UMAD1: variants seen among roughly 807,000 people sequenced by gnomAD.
UMAD1 encodes UBAP1-MVB12-associated (UMA)-domain containing protein 1.
A neutral mutation model predicts 6.1 loss-of-function variants in UMAD1; 8 were observed. That is an observed-to-expected ratio of 1.30 (90% CI 0.76 to 2.35). The LOEUF (loss-of-function observed/expected upper bound fraction) is 2.35. Among genes scored for constraint, UMAD1 ranks in the 30% most tolerant of loss-of-function variants. The pLI is 0.00. For synonymous variants in UMAD1, 56 were observed against 31.4 expected (o/e 1.78, Z -2.61); for missense variants, 130 against 78.4 (o/e 1.66, Z -2.49).
At chr7:7,860,881 A>C (rs1362394959) in intron 3 of UMAD1, among the ~76,000 whole-genome samples, 4 of 152,318 alleles carry the variant, frequency 2.6e-5, no homozygotes, top group Non-Finnish European at 1.5e-5. Context: ...GAATAAACAA[A>C]ATGTGGCATA....
At chr7:7,691,580 T>C (rs1780172107) in intron 2 of UMAD1, among the ~76,000 whole-genome samples, 1 of 152,228 alleles carries the variant, frequency 6.6e-6, no homozygotes, top group Admixed American at 6.5e-5. Flanking sequence ...TTCTTTCTCA[T>C]CTTACGCATT....
At chr7:7,725,098 G>A (rs1028602356) in intron 2 of UMAD1, among the ~76,000 whole-genome samples, 4 of 152,168 alleles carry the variant, frequency 2.6e-5, no homozygotes, top group African/African-American at 4.8e-5. Flanking sequence ...ATTTCTAGGC[G>A]TCCAGTGGTG....
At chr7:7,719,373 T>C (rs1418449828) in intron 2 of UMAD1, among the ~76,000 whole-genome samples, 1 of 152,192 alleles carries the variant, frequency 6.6e-6, no homozygotes, top group East Asian at 1.9e-4. Context: ...TCGCAGCAAC[T>C]GAATTTGAAA....
intron 3 of UMAD1, among the ~76,000 whole-genome samples, chr7:7,872,299 G>A (rs369941715): frequency 2.6e-5 from 4 of 152,240 alleles, no homozygotes; most frequent in East Asian, 3.9e-4. Context: ...TATTAAGTGT[G>A]CAATAGCAGT....
chr7:7,656,686 T>C (rs537179101), intron 1 of UMAD1, among the ~76,000 whole-genome samples: 1 of 152,356 alleles, frequency 6.6e-6, no homozygotes, highest in East Asian at 1.9e-4. Context: ...ATGGTGTATA[T>C]GTGCCACATT....
chr7:7,851,037 T>C (rs577356742), intron 3 of UMAD1, among the ~76,000 whole-genome samples: 2 of 152,330 alleles, frequency 1.3e-5, no homozygotes, highest in East Asian at 3.9e-4. Flanking sequence ...ATATATATTT[T>C]TACTTGAACA....
chr7:7,679,925 T>A (rs1012262175), intron 2 of UMAD1, among the ~76,000 whole-genome samples: 1 of 151,916 alleles, frequency 6.6e-6, no homozygotes, highest in Non-Finnish European at 1.5e-5. Context: ...GTTCCTTATA[T>A]ATACTGATTG....
intron 2 of UMAD1, among the ~76,000 whole-genome samples, chr7:7,781,208 A>G (rs911634640): frequency 6.6e-6 from 1 of 152,160 alleles, no homozygotes; most frequent in African/African-American, 2.4e-5. Context: ...ATATCTTAGA[A>G]TCCTAGAAGC....
At chr7:7,816,756 C>T (rs763778886) in intron 3 of UMAD1, among the ~76,000 whole-genome samples, 4 of 152,214 alleles carry the variant, frequency 2.6e-5, no homozygotes, top group African/African-American at 9.6e-5. Context: ...TTTCTACCTC[C>T]TCTGGCTACC....
At chr7:7,757,960 G>C (rs149137988) in intron 2 of UMAD1, among the ~76,000 whole-genome samples, 1 of 152,240 alleles carries the variant, frequency 6.6e-6, no homozygotes, top group Non-Finnish European at 1.5e-5. Context: ...TGGGGTAGGG[G>C]TCACTCATAA....
intron 2 of UMAD1, among the ~76,000 whole-genome samples, chr7:7,701,367 G>GAAAAC (rs750067911): frequency 2.0e-5 from 3 of 151,876 alleles, no homozygotes; most frequent in Non-Finnish European, 4.4e-5. Context: ...TTTGCTAGAA[G>GAAAAC]AAAACAAAGC....
chr7:7,864,155 A>G (rs528381974), intron 3 of UMAD1, among the ~76,000 whole-genome samples: 5 of 152,322 alleles, frequency 3.3e-5, no homozygotes, highest in African/African-American at 1.2e-4. Flanking sequence ...CTTGGAAGCT[A>G]CAACTTTAAG....
At chr7:7,658,198 A>G (rs1362849134) in intron 1 of UMAD1, among the ~76,000 whole-genome samples, 1 of 151,626 alleles carries the variant, frequency 6.6e-6, no homozygotes, top group East Asian at 1.9e-4. Flanking sequence ...TATCAGCTTA[A>G]GGAGATTTTG....
intron 3 of UMAD1, among the ~76,000 whole-genome samples, chr7:7,826,788 G>T (rs115508675): frequency 0.013 from 1,944 of 152,072 alleles, 46 homozygotes; most frequent in African/African-American, 0.044. Context: ...AGAAATGTTA[G>T]CTAGGCACAT....
intron 2 of UMAD1, among the ~76,000 whole-genome samples, chr7:7,785,197 A>G (rs1782438077): frequency 6.6e-6 from 1 of 152,236 alleles, no homozygotes; most frequent in African/African-American, 2.4e-5. Flanking sequence ...TTGTGATAGA[A>G]TGAAAACTTT....
chr7:7,700,003 T>A (rs994327958), intron 2 of UMAD1, among the ~76,000 whole-genome samples: 1 of 152,258 alleles, frequency 6.6e-6, no homozygotes, highest in Non-Finnish European at 1.5e-5. Flanking sequence ...GTGGTGATAC[T>A]TACAAGTTAT....
chr7:7,857,946 G>T (rs998176480), intron 3 of UMAD1, among the ~76,000 whole-genome samples: 1 of 152,304 alleles, frequency 6.6e-6, no homozygotes. Context: ...ATTTTAAAAG[G>T]CATGAAGTGA....
At chr7:7,859,890 A>G (rs1034111042) in intron 3 of UMAD1, among the ~76,000 whole-genome samples, 2 of 152,224 alleles carry the variant, frequency 1.3e-5, no homozygotes, top group African/African-American at 4.8e-5. Context: ...AAGAAATTCC[A>G]GGTTGCTTAT....
chr7:7,857,971 C>G (rs1411021517), intron 3 of UMAD1, among the ~76,000 whole-genome samples: 1 of 152,212 alleles, frequency 6.6e-6, no homozygotes, highest in Non-Finnish European at 1.5e-5. Context: ...TCCTTATACT[C>G]TGTTGGATTT....
Sources: allele counts gnomAD v4.1 joint callset (sites outside exome capture counted in the v4.1 genomes callset), GRCh38; gene constraint gnomAD v4.1.1; transcripts MANE v1.5; gene names NCBI Gene and HGNC (gene_info 2026-07-23, HGNC 2026-07-21).